Variants in FCHSD2 observed in about 807,000 individuals in gnomAD.
The protein encoded by FCHSD2 is F-BAR and double SH3 domains protein 2.
In FCHSD2, 38 loss-of-function variants were observed where a neutral mutation model predicts 108.1. The observed-to-expected ratio is 0.35, with a 90% CI of 0.27 to 0.46. FCHSD2 has a LOEUF of 0.46. Among genes scored for constraint, FCHSD2 ranks in the 20% least tolerant of loss-of-function variants. The pLI is 1.00. For synonymous variants in FCHSD2, 279 were observed against 314.7 expected (o/e 0.89, Z 1.20); for missense variants, 751 against 897.8 (o/e 0.84, Z 2.09).
intron 8 of FCHSD2, among the ~76,000 whole-genome samples, chr11:72,964,013 T>C (rs1856861194): frequency 6.6e-6 from 1 of 152,202 alleles, no homozygotes. Flanking sequence ...GAGGGCTCTA[T>C]CCATTTCAAT....
At chr11:73,139,050 C>T (rs1487103082) in intron 2 of FCHSD2, among the ~76,000 whole-genome samples, 1 of 152,060 alleles carries the variant, frequency 6.6e-6, no homozygotes, top group East Asian at 1.9e-4. Flanking sequence ...ATTTATATGC[C>T]TTAGTCATAA....
intron 13 of FCHSD2, among the ~76,000 whole-genome samples, chr11:72,858,276 CA>C (rs1000158113): frequency 6.6e-6 from 1 of 152,238 alleles, no homozygotes; most frequent in African/African-American, 2.4e-5. Context: ...TGATGTTAAC[CA>C]AAGGAATATA....
At chr11:72,916,375 T>C (rs1432794106) in intron 9 of FCHSD2, among the ~76,000 whole-genome samples, 1 of 150,494 alleles carries the variant, frequency 6.6e-6, no homozygotes, top group Non-Finnish European at 1.5e-5. Flanking sequence ...AGTAGTAGCA[T>C]GATCATAGCC....
chr11:72,896,240 C>A (rs1037887637), intron 10 of FCHSD2, among the ~76,000 whole-genome samples: 1 of 152,108 alleles, frequency 6.6e-6, no homozygotes, highest in Non-Finnish European at 1.5e-5. Context: ...CTGTGAAGAT[C>A]TTGTTATTTG....
intron 9 of FCHSD2, among the ~76,000 whole-genome samples, chr11:72,918,531 T>G (rs935075962): frequency 2.0e-5 from 3 of 152,194 alleles, no homozygotes; most frequent in Non-Finnish European, 4.4e-5. Context: ...TCATGTTATG[T>G]AAGTTCCCTT....
chr11:72,916,968 C>CTTTTTTTTTTTTTTTTTTT (rs71062793), intron 9 of FCHSD2, among the ~76,000 whole-genome samples: 1 of 118,800 alleles, frequency 8.4e-6, no homozygotes, highest in African/African-American at 3.3e-5. Flanking sequence ...GAACTTCATT[C>CTTTTTTTTTTTTTTTTTTT]TTTTTTTTTT....
chr11:73,018,831 A>T (rs1007642856), intron 3 of FCHSD2, among the ~76,000 whole-genome samples: 2 of 152,166 alleles, frequency 1.3e-5, no homozygotes, highest in South Asian at 4.1e-4. Flanking sequence ...CATCTTCACT[A>T]TTTTAAGAGA....
intron 8 of FCHSD2, among the ~76,000 whole-genome samples, chr11:72,976,723 G>A (rs1857110440): frequency 6.6e-6 from 1 of 152,134 alleles, no homozygotes; most frequent in Non-Finnish European, 1.5e-5. Flanking sequence ...CAATGGAACA[G>A]AAGACAGAAC....
intron 5 of FCHSD2, among the ~76,000 whole-genome samples, chr11:72,990,098 C>G (rs1244048813): frequency 6.6e-6 from 1 of 152,048 alleles, no homozygotes; most frequent in African/African-American, 2.4e-5. Flanking sequence ...TCTGCATGGA[C>G]AGATAAAAGC....
At chr11:72,947,194 T>C (rs573532712) in intron 8 of FCHSD2, among the ~76,000 whole-genome samples, 56 of 152,368 alleles carry the variant, frequency 3.7e-4, no homozygotes, top group African/African-American at 1.3e-3. Flanking sequence ...AGTTAAGGGC[T>C]TTAAACCAAG....
intron 12 of FCHSD2, 141 bp downstream of exon 12, chr11:72,887,329 A>G: frequency 3.3e-6 from 2 of 611,400 alleles, no homozygotes; most frequent in Non-Finnish European, 2.8e-6. Context: ...GGTACTCAAC[A>G]AATACTACTG....
chr11:72,882,102 G>A (rs551844220), intron 12 of FCHSD2, among the ~76,000 whole-genome samples: 40 of 151,720 alleles, frequency 2.6e-4, no homozygotes, highest in African/African-American at 8.7e-4. Context: ...CCGAAATCGC[G>A]CCACTGCACT....
At chr11:72,841,637 T>A in intron 17 of FCHSD2, 54 bp from the exon 18 acceptor site, 1 of 1,509,858 alleles carries the variant, frequency 6.6e-7, no homozygotes, top group Middle Eastern at 2.1e-4. Context: ...AAGGAGAGCC[T>A]GGCTGCTTCT....
intron 2 of FCHSD2, among the ~76,000 whole-genome samples, chr11:73,107,733 A>G (rs968840753): frequency 2.6e-5 from 4 of 152,222 alleles, no homozygotes; most frequent in African/African-American, 9.7e-5. Context: ...TTACACTAAC[A>G]TAATGATCTC....
At chr11:73,086,678 T>C (rs1445912780) in intron 2 of FCHSD2, among the ~76,000 whole-genome samples, 2 of 152,138 alleles carry the variant, frequency 1.3e-5, no homozygotes, top group Non-Finnish European at 2.9e-5. Flanking sequence ...GGGAAAACAC[T>C]AATTACCAAA....
Position 72,838,555 on chromosome 11 carries a change from T to C in FCHSD2, c.*236A>G. The C allele has an allele frequency of 1.8e-6, 1 of 552,688 alleles. No homozygotes were observed. The highest frequency in any genetic ancestry group is 3.3e-6 in the Non-Finnish European group (1 of 307,190). The allele number at this position is 552,688 out of a possible 1,614,324, so 34.2% of individuals were successfully genotyped here. A position where few individuals can be genotyped will look rare whatever the true frequency, so the allele number is the denominator to read the frequency against. ...GCTGCCCCCCTCTTTGCTCCTAGGG[T>C]CCGCTAGGATTTGTGCTATGGTAGG... On this transcript the variant is annotated 3_prime_UTR_variant, in exon 20 of 20. Coordinates refer to ENST00000409418, the MANE Select transcript of FCHSD2 (RefSeq NM_014824.3).
intron 8 of FCHSD2, among the ~76,000 whole-genome samples, chr11:72,946,236 G>A (rs1014566884): frequency 5.3e-5 from 8 of 152,084 alleles, no homozygotes; most frequent in Non-Finnish European, 7.4e-5. Context: ...ATGAGTTCAT[G>A]TCCTTTGTAA....
At chr11:73,037,027 A>C (rs1052133656) in intron 3 of FCHSD2, among the ~76,000 whole-genome samples, 1 of 152,218 alleles carries the variant, frequency 6.6e-6, no homozygotes, top group Admixed American at 6.5e-5. Flanking sequence ...TCAATTCAAG[A>C]GCATATGACT....
At chr11:72,841,362 AAAGC>A in intron 18 of FCHSD2, 88 bp downstream of exon 18, 1 of 1,124,922 alleles carries the variant, frequency 8.9e-7, no homozygotes, top group Non-Finnish European at 1.2e-6. Flanking sequence ...AAAAAAAAAA[AAAGC>A]AAATGCAGTT....
Sources: gnomAD v4.1 joint callset for allele counts (sites outside exome capture counted in the v4.1 genomes callset) on GRCh38, gnomAD v4.1.1 for gene constraint, MANE v1.5 for transcripts, NCBI Gene and HGNC (gene_info 2026-07-23, HGNC 2026-07-21) for gene names.